Variants in SPINT2 observed in about 807,000 individuals in gnomAD.
SPINT2 encodes serine peptidase inhibitor, Kunitz type 2.
SPINT2 carries 18 observed loss-of-function variants against 30.1 expected under a neutral mutation model. The observed-to-expected ratio is 0.60, with a 90% CI of 0.41 to 0.89. The LOEUF is 0.89. SPINT2 is among the 40% of genes least tolerant of loss of function. SPINT2 has a pLI of 0.00. For synonymous variants in SPINT2, 139 were observed against 137.9 expected, an observed-to-expected ratio of 1.01 and a Z score of -0.05; for missense variants, 276 against 334.3, an observed-to-expected ratio of 0.83 and a Z score of 1.36.
At chr19:38,275,391 C>A (rs1317955117) in intron 1 of SPINT2, among the ~76,000 whole-genome samples, 2 of 152,056 alleles carry the variant, frequency 1.3e-5, no homozygotes, top group East Asian at 3.9e-4. Flanking sequence ...GTGGTGCGAT[C>A]TCAGCTCACT....
intron 1 of SPINT2, among the ~76,000 whole-genome samples, chr19:38,271,668 C>T (rs1049759068): frequency 6.6e-6 from 1 of 151,484 alleles, no homozygotes; most frequent in Non-Finnish European, 1.5e-5. Context: ...CCCATCTCTA[C>T]TAAAAATACA....
chr19:38,289,338 G>C, intron 4 of SPINT2, 147 bp downstream of exon 4: 1 of 665,014 alleles, frequency 1.5e-6, no homozygotes, highest in South Asian at 1.6e-5. Flanking sequence ...CGAAAAATTA[G>C]CTGGACGTAG....
intron 2 of SPINT2, 81 bp downstream of exon 2, chr19:38,283,878 G>A (rs1486268379): frequency 8.4e-6 from 12 of 1,423,452 alleles, no homozygotes; most frequent in Admixed American, 2.6e-5. Flanking sequence ...GTCTTGCTCT[G>A]TCGCCCAGGC....
intron 2 of SPINT2, among the ~76,000 whole-genome samples, chr19:38,287,424 C>T (rs1005342639): frequency 1.3e-5 from 2 of 152,098 alleles, no homozygotes; most frequent in African/African-American, 4.8e-5. Context: ...GGTCTCGATC[C>T]CTGACCTCGC....
chr19:38,290,894 C>T lies in SPINT2; in HGVS notation c.592+319C>T. Reference sequence around the variant, plus strand: ...GGCCTGAGGTGTGGAGGGAGCGCTGCTATGTGGGGCATAAGAGTTGGTCAC... The same window carrying T: ...GGCCTGAGGTGTGGAGGGAGCGCTGTTATGTGGGGCATAAGAGTTGGTCAC... On this transcript the variant is annotated intron_variant, in intron 6 of 6. Transcript: ENST00000301244. This position sits in a 1 kb window ranked among gnomAD's most constrained non-coding sequence, Gnocchi z 4.3. The T allele has an allele frequency of 4.3e-6, 2 of 468,778 alleles. No individual in the cohort carries two copies. The highest frequency in any genetic ancestry group is 7.9e-6 in the Non-Finnish European group (2 of 253,134). The allele number at this position is 468,778 out of a possible 1,614,324, so 29.0% of individuals were successfully genotyped here.
At chr19:38,287,018 G>A (rs1409498692) in intron 2 of SPINT2, among the ~76,000 whole-genome samples, 1 of 152,072 alleles carries the variant, frequency 6.6e-6, no homozygotes, top group Non-Finnish European at 1.5e-5. Flanking sequence ...TGTTTTGATT[G>A]TTTGTTTCTT....
intron 2 of SPINT2, among the ~76,000 whole-genome samples, chr19:38,284,052 A>G (rs1968613684): frequency 6.6e-6 from 1 of 151,896 alleles, no homozygotes; most frequent in South Asian, 2.1e-4. Context: ...CTTGTTAGCC[A>G]GGATGGTCTC....
intron 3 of SPINT2, chr19:38,288,278 C>T: frequency 2.4e-5 from 10 of 415,192 alleles, no homozygotes; most frequent in South Asian, 2.1e-4. Flanking sequence ...ACTCCCCACC[C>T]ACCCTCCTGT....
chr19:38,283,909 T>G, intron 2 of SPINT2, 112 bp downstream of exon 2: 3 of 1,289,720 alleles, frequency 2.3e-6, no homozygotes, highest in Non-Finnish European at 3.2e-6. Flanking sequence ...TGGCGCGATC[T>G]TGGCTCACTG....
chr19:38,273,392 G>C (rs754688371), intron 1 of SPINT2, among the ~76,000 whole-genome samples: 2 of 152,082 alleles, frequency 1.3e-5, no homozygotes, highest in Non-Finnish European at 2.9e-5. Context: ...ATAGGCTTCA[G>C]TACCTCCTGT....
chr19:38,276,369 G>A (rs931754279), intron 1 of SPINT2, among the ~76,000 whole-genome samples: 11 of 152,148 alleles, frequency 7.2e-5, no homozygotes, highest in East Asian at 5.8e-4. Flanking sequence ...GGGGCCAGGC[G>A]TGGTGGCTCA....
intron 2 of SPINT2, among the ~76,000 whole-genome samples, chr19:38,287,597 A>C (rs1388381595): frequency 6.6e-6 from 1 of 150,850 alleles, no homozygotes; most frequent in African/African-American, 2.4e-5. Flanking sequence ...AAAGTACTGG[A>C]ATTACAGCCA....
At chr19:38,268,766 CGT>C (rs10526704) in intron 1 of SPINT2, among the ~76,000 whole-genome samples, 4,517 of 149,544 alleles carry the variant, frequency 0.03, 78 homozygotes, top group Admixed American at 0.045. Flanking sequence ...TGCGCGCGCG[CGT>C]GTGTGTGTGT....
intron 1 of SPINT2, among the ~76,000 whole-genome samples, chr19:38,268,790 T>TGTGTGTGTG (rs1968413034): frequency 1.3e-5 from 2 of 151,842 alleles, no homozygotes; most frequent in Non-Finnish European, 2.9e-5. Context: ...TGTGTGTGTG[T>TGTGTGTGTG]TACGGCTGGC....
intron 2 of SPINT2, 36 bp downstream of exon 2, chr19:38,283,833 CTTTTTTTTTTTTTTTT>C (rs754820019): frequency 4.5e-5 from 42 of 941,590 alleles, no homozygotes; most frequent in African/African-American, 2.7e-4. Flanking sequence ...TGTTTTTTTC[CTTTTTTTTTTTTTTTT>C]TTTTTTTTTT....
In SPINT2 at chr19:38,264,687, T is replaced by A; in HGVS notation, c.-206T>A. 5 of 578,754 alleles carry A rather than the reference T, an allele frequency of 8.6e-6. 1 individual carries two copies. The South Asian group carries it at 1.0e-4, about 12-fold the overall frequency. The allele number at this position is 578,754 out of a possible 1,614,324, so 35.9% of individuals were successfully genotyped here. ...CGCGAGTGAGGAGCAGACCCAGGCA[T>A]CGCGCGCCGAGAAGGCCGGGCGTCC... On this transcript the variant is annotated 5_prime_UTR_variant, in exon 1 of 7. Coordinates refer to ENST00000301244, the MANE Select transcript of SPINT2 (RefSeq NM_021102.4).
At chr19:38,291,553 G>A (rs995635740) in intron 6 of SPINT2, 24 of 415,610 alleles carry the variant, frequency 5.8e-5, no homozygotes, top group African/African-American at 2.2e-4. Context: ...CTGAGAGTTG[G>A]GTTTTTAGTT....
At chr19:38,273,775 G>C (rs1968483522) in intron 1 of SPINT2, among the ~76,000 whole-genome samples, 1 of 152,040 alleles carries the variant, frequency 6.6e-6, no homozygotes, top group Non-Finnish European at 1.5e-5. Flanking sequence ...TTGTACTTTT[G>C]GCCTTCCCTG....
chr19:38,291,878 C>A lies in SPINT2; in HGVS notation c.631C>A (p.Leu211Ile). ...LAGLFVMVLI[L>I]FLGASMVYLI... Reference sequence around the variant, plus strand: ...GGGGCTGTTCGTGATGGTGTTGATCCTCTTCCTGGGAGCCTCCATGGTCTA... The same window carrying A: ...GGGGCTGTTCGTGATGGTGTTGATCATCTTCCTGGGAGCCTCCATGGTCTA... Residue 211 changes from leucine to isoleucine, a missense_variant, in exon 7 of 7, where the codon CTC becomes ATC. Transcript: ENST00000301244. 6.2e-7 allele frequency: 1 copy of A among 1,613,604 alleles called. No individual in the cohort carries two copies. The highest frequency in any genetic ancestry group is 8.5e-7 in the Non-Finnish European group (1 of 1,179,960).
Sources: gnomAD v4.1 joint callset for allele counts (sites outside exome capture counted in the v4.1 genomes callset) on GRCh38, gnomAD v4.1.1 for gene constraint, Gnocchi (gnomAD v3.1) non-coding constraint, MANE v1.5 for transcripts, NCBI Gene and HGNC (gene_info 2026-07-23, HGNC 2026-07-21) for gene names.